Variants in AGMO observed in about 807,000 individuals in gnomAD.
AGMO encodes the protein glyceryl-ether monooxygenase.
AGMO carries 75 observed loss-of-function variants against 60.2 expected under a neutral mutation model. The ratio of observed to expected loss-of-function variants is 1.25; its 90% confidence interval spans 1.03 to 1.51. AGMO has a LOEUF of 1.51. AGMO is among the 40% of genes most tolerant of loss of function. The pLI, the probability that AGMO is intolerant of heterozygous loss-of-function variation, is 0.00. For synonymous variants in AGMO, 261 were observed against 177.1 expected, an observed-to-expected ratio of 1.47 and a Z score of -3.76; for missense variants, 763 against 525.5, an observed-to-expected ratio of 1.45 and a Z score of -4.42.
intron 12 of AGMO, among the ~76,000 whole-genome samples, chr7:15,349,460 T>C (rs1039295505): frequency 5.9e-5 from 9 of 152,226 alleles, no homozygotes; most frequent in African/African-American, 1.4e-4. Context: ...GTTAAATTCT[T>C]GCAAAGTAGA....
At chr7:15,309,096 T>G (rs1780692873) in intron 12 of AGMO, among the ~76,000 whole-genome samples, 1 of 152,302 alleles carries the variant, frequency 6.6e-6, no homozygotes, top group South Asian at 2.1e-4. Context: ...TCAGCAATAG[T>G]TCCTTAGACT....
rs186690766 is a variant in AGMO at position 15,247,599 on chromosome 7, C to T, written c.1264-46240G>A. Among the ~76,000 whole-genome samples, 4 of 152,092 alleles carry T rather than the reference C, an allele frequency of 2.6e-5. No homozygotes were observed. The East Asian group carries it at 7.7e-4, about 29-fold the overall frequency. On this transcript the variant is annotated intron_variant, in intron 12 of 12. Coordinates refer to ENST00000342526, the MANE Select transcript of AGMO (RefSeq NM_001004320.2). ...CCTCAAACATACACAGACACATTCA[C>T]AGTGAAACAGTTCCATTTCAATTGC...
intron 12 of AGMO, among the ~76,000 whole-genome samples, chr7:15,234,456 G>C (rs1314701402): frequency 2.0e-5 from 3 of 152,184 alleles, no homozygotes; most frequent in African/African-American, 7.2e-5. Context: ...ATGCAAACTA[G>C]TTTCAAGATA....
intron 12 of AGMO, among the ~76,000 whole-genome samples, chr7:15,293,102 CAACA>C (rs1480153701): frequency 6.6e-6 from 1 of 152,022 alleles, no homozygotes; most frequent in Non-Finnish European, 1.5e-5. Flanking sequence ...TATTTAGCTT[CAACA>C]AACAATCACA....
Position 15,280,747 on chromosome 7 carries a change from C to T in AGMO, c.1264-79388G>A, listed in dbSNP as rs55955919. On this transcript the variant is annotated intron_variant, in intron 12 of 12. Coordinates refer to ENST00000342526, the MANE Select transcript of AGMO (RefSeq NM_001004320.2). ...CAGGAAGAAGAAAACTTGTATGTGACCTCAGCCATCACCATTGCCTACAGG... is the reference window on the plus strand; with the variant it reads ...CAGGAAGAAGAAAACTTGTATGTGATCTCAGCCATCACCATTGCCTACAGG... Among the ~76,000 whole-genome samples, 449 of 152,300 alleles carry T rather than the reference C, an allele frequency of 2.9e-3. 2 individuals carry two copies. The highest frequency in any genetic ancestry group is 0.01 in the African/African-American group (429 of 41,550).
chr7:15,461,877 CAG>C lies in AGMO; in HGVS notation c.410-30771_410-30770del, dbSNP rs777673182. Among the ~76,000 whole-genome samples the C allele has an allele frequency of 2.2e-3, 340 of 152,042 alleles. 4 individuals carry two copies. The highest frequency in any genetic ancestry group is 4.0e-3 in the Non-Finnish European group (273 of 67,960). On this transcript the variant is annotated intron_variant, in intron 3 of 12. Coordinates refer to ENST00000342526, the MANE Select transcript of AGMO (RefSeq NM_001004320.2). The stretch of plus-strand genomic sequence containing the variant: ...TTGTGGTTATATTTGGCAAAAGGAC[CAG>C]AGATTCAATGTCACGATAAAAAAGT...
In AGMO at chr7:15,393,740, CTCTGA is replaced by C. The variant is rs561771154; in HGVS notation, c.676+368_676+372del. ...AAAACAGTTTTCAAGACCACTAACTCTCTGACTATAGATAGGAATGACCTTCAGCA... is the reference window on the plus strand; with the variant it reads ...AAAACAGTTTTCAAGACCACTAACTCCTATAGATAGGAATGACCTTCAGCA... On this transcript the variant is annotated intron_variant, in intron 6 of 12. Coordinates refer to ENST00000342526, the MANE Select transcript of AGMO (RefSeq NM_001004320.2). 3.3e-3 allele frequency among the ~76,000 whole-genome samples: 502 copies of C among 152,298 alleles called. 1 individual carries two copies. The highest frequency in any genetic ancestry group is 0.011 in the African/African-American group (474 of 41,568).
chr7:15,128,614 A>G, the AGMO span, among the ~76,000 whole-genome samples: 1 of 152,162 alleles, frequency 6.6e-6, no homozygotes, highest in African/African-American at 2.4e-5. Flanking sequence ...ATATATATAA[A>G]GTAAAAGTAT....
chr7:15,208,185 A>G (rs1264778958), intron 12 of AGMO, among the ~76,000 whole-genome samples: 1 of 152,180 alleles, frequency 6.6e-6, no homozygotes, highest in Non-Finnish European at 1.5e-5. Flanking sequence ...GCTACAGAAG[A>G]GTGACTTTTT....
At chr7:15,348,858 A>G (rs535809331) in intron 12 of AGMO, among the ~76,000 whole-genome samples, 1 of 152,128 alleles carries the variant, frequency 6.6e-6, no homozygotes, top group Non-Finnish European at 1.5e-5. Context: ...AAGAATATTT[A>G]GCAAACTGAA....
At chr7:15,510,557 A>G (rs1180189299) in intron 3 of AGMO, among the ~76,000 whole-genome samples, 1 of 149,192 alleles carries the variant, frequency 6.7e-6, no homozygotes, top group African/African-American at 2.5e-5. Flanking sequence ...TCATATATAT[A>G]TGTCATATAT....
chr7:15,287,814 T>G (rs1345678597), intron 12 of AGMO, among the ~76,000 whole-genome samples: 2 of 152,192 alleles, frequency 1.3e-5, no homozygotes, highest in Admixed American at 6.5e-5. Flanking sequence ...TCTGGTCCTT[T>G]TGAATACATT....
intron 3 of AGMO, among the ~76,000 whole-genome samples, chr7:15,480,993 A>T (rs1269948105): frequency 6.7e-6 from 1 of 148,866 alleles, no homozygotes; most frequent in African/African-American, 2.4e-5. Flanking sequence ...GTTTATACAC[A>T]ATTAATGTAT....
chr7:15,443,737 T>C (rs1049999565), intron 3 of AGMO, among the ~76,000 whole-genome samples: 2 of 152,196 alleles, frequency 1.3e-5, no homozygotes, highest in African/African-American at 4.8e-5. Flanking sequence ...GAATGATTTT[T>C]ACATTTTCAA....
chr7:15,374,958 A>G (rs1256863220), intron 10 of AGMO, among the ~76,000 whole-genome samples: 1 of 152,148 alleles, frequency 6.6e-6, no homozygotes, highest in Non-Finnish European at 1.5e-5. Flanking sequence ...AAAAAGGATC[A>G]GAGTTACAAT....
intron 3 of AGMO, among the ~76,000 whole-genome samples, chr7:15,524,754 TG>T (rs1784080002): frequency 6.6e-6 from 1 of 150,620 alleles, no homozygotes; most frequent in Non-Finnish European, 1.5e-5. Flanking sequence ...CCCAGTTACA[TG>T]GGAGGCTGAG....
intron 12 of AGMO, among the ~76,000 whole-genome samples, chr7:15,307,807 T>A (rs772435933): frequency 6.6e-6 from 1 of 152,022 alleles, no homozygotes; most frequent in Non-Finnish European, 1.5e-5. Context: ...TGGGTCTCCA[T>A]CTCAGTGCAA....
chr7:15,401,091 C>G (rs536672601), intron 5 of AGMO, among the ~76,000 whole-genome samples: 1 of 152,144 alleles, frequency 6.6e-6, no homozygotes, highest in Admixed American at 6.6e-5. Flanking sequence ...TTACTCTGAT[C>G]ACAATTTTTT....
intron 12 of AGMO, among the ~76,000 whole-genome samples, chr7:15,234,351 C>T (rs1782353480): frequency 6.6e-6 from 1 of 152,140 alleles, no homozygotes; most frequent in Admixed American, 6.5e-5. Context: ...TTCTCTATAT[C>T]TTCCTCACTT....
Sources: allele counts gnomAD v4.1 joint callset (sites outside exome capture counted in the v4.1 genomes callset), GRCh38; gene constraint gnomAD v4.1.1; transcripts MANE v1.5; gene names NCBI Gene and HGNC (gene_info 2026-07-23, HGNC 2026-07-21).